GADL1: variants seen among roughly 807,000 people sequenced by gnomAD.
The protein encoded by GADL1 is GAD like acidic amino acid decarboxylase 1.
GADL1 carries 71 observed loss-of-function variants against 69.5 expected under a neutral mutation model. The ratio of observed to expected loss-of-function variants is 1.02; its 90% CI spans 0.84 to 1.25. The LOEUF is 1.25. GADL1 is among the 50% of genes most tolerant of loss of function. GADL1 has a pLI of 0.00. For synonymous variants in GADL1, 254 were observed against 214.4 expected, an observed-to-expected ratio of 1.18 and a Z score of -1.62; for missense variants, 737 against 631.8, an observed-to-expected ratio of 1.17 and a Z score of -1.79.
At chr3:30,869,094 T>C (rs1380148800) in intron 1 of GADL1, among the ~76,000 whole-genome samples, 2 of 151,604 alleles carry the variant, frequency 1.3e-5, no homozygotes, top group African/African-American at 4.9e-5. Context: ...CAGTCTCTGT[T>C]CTCAAGTTGT....
At chr3:30,728,965 A>C (rs1204223035) in intron 14 of GADL1, among the ~76,000 whole-genome samples, 2 of 152,180 alleles carry the variant, frequency 1.3e-5, no homozygotes, top group Non-Finnish European at 2.9e-5. Context: ...GCCTAAGTTT[A>C]TTAATTTATT....
At chr3:30,866,475 A>AT (rs1184922157) in intron 1 of GADL1, among the ~76,000 whole-genome samples, 3 of 152,068 alleles carry the variant, frequency 2.0e-5, no homozygotes, top group Non-Finnish European at 4.4e-5. Flanking sequence ...AATAGTAATA[A>AT]TAGTACATAA....
At chr3:30,822,171 G>GGCT (rs1262658353) in intron 11 of GADL1, among the ~76,000 whole-genome samples, 1 of 152,042 alleles carries the variant, frequency 6.6e-6, no homozygotes, top group Non-Finnish European at 1.5e-5. Context: ...AAGAATAGAT[G>GGCT]GCTGGATGAT....
At chr3:30,761,479 T>G (rs1482732123) in intron 14 of GADL1, among the ~76,000 whole-genome samples, 1 of 122,566 alleles carries the variant, frequency 8.2e-6, no homozygotes, top group East Asian at 2.3e-4. Flanking sequence ...GGGATAGATA[T>G]GTTTATTTTT....
chr3:30,780,904 A>G (rs1341457780), intron 13 of GADL1, among the ~76,000 whole-genome samples: 1 of 152,214 alleles, frequency 6.6e-6, no homozygotes, highest in Non-Finnish European at 1.5e-5. Flanking sequence ...TTGCAAAAAT[A>G]TATTTGACTT....
intron 9 of GADL1, 90 bp downstream of exon 9, chr3:30,838,907 C>T (rs1212067803): frequency 2.8e-6 from 2 of 717,424 alleles, no homozygotes; most frequent in Non-Finnish European, 4.7e-6. Flanking sequence ...TTGGGGACTC[C>T]ACATCTAGTT....
At chr3:30,735,427 T>C (rs1267757965) in intron 14 of GADL1, among the ~76,000 whole-genome samples, 2 of 152,158 alleles carry the variant, frequency 1.3e-5, no homozygotes, top group Non-Finnish European at 2.9e-5. Context: ...AACAAAACTG[T>C]GGTATACCTA....
In GADL1 at chr3:30,884,031, C is replaced by A. The variant is rs1377618599; in HGVS notation, c.37+10547G>T. ...CTAAATATCCTATTTGCTCATCCAA[C>A]TCCAAATGCTTCCACGTCTTAGTCT... On this transcript the variant is annotated intron_variant, in intron 1 of 14. Coordinates refer to ENST00000282538, the MANE Select transcript of GADL1 (RefSeq NM_207359.3). 2.6e-5 allele frequency among the ~76,000 whole-genome samples: 4 copies of A among 152,104 alleles called. No homozygotes were observed. In the East Asian group the frequency reaches 7.8e-4, roughly 30 times the overall value.
intron 14 of GADL1, among the ~76,000 whole-genome samples, chr3:30,757,850 C>T (rs1696017056): frequency 6.6e-6 from 1 of 152,076 alleles, no homozygotes; most frequent in Non-Finnish European, 1.5e-5. Flanking sequence ...CAAAGCTGCT[C>T]AGATTATCAG....
At chr3:30,750,217 A>T (rs1209211920) in intron 14 of GADL1, among the ~76,000 whole-genome samples, 1 of 152,198 alleles carries the variant, frequency 6.6e-6, no homozygotes, top group Non-Finnish European at 1.5e-5. Context: ...CAATCAGAAG[A>T]GCACATAACT....
intron 14 of GADL1, among the ~76,000 whole-genome samples, chr3:30,750,281 G>A (rs558912802): frequency 5.9e-5 from 9 of 152,308 alleles, no homozygotes; most frequent in Non-Finnish European, 1.2e-4. Flanking sequence ...TTGTTCTGGT[G>A]TGATTATTGA....
chr3:30,756,902 T>TA (rs1553635987), intron 14 of GADL1, among the ~76,000 whole-genome samples: 2 of 44,818 alleles, frequency 4.5e-5, no homozygotes, highest in East Asian at 1.6e-3. Flanking sequence ...TTGGGGGTAG[T>TA]TTATGTAGCA....
chr3:30,764,742 A>G (rs1250199461), intron 14 of GADL1, among the ~76,000 whole-genome samples: 4 of 152,224 alleles, frequency 2.6e-5, no homozygotes, highest in Non-Finnish European at 5.9e-5. Flanking sequence ...AAACTGCCAC[A>G]GTATTCTAGT....
intron 1 of GADL1, among the ~76,000 whole-genome samples, chr3:30,890,976 C>A (rs141266911): frequency 6.6e-6 from 1 of 152,170 alleles, no homozygotes. Context: ...GAGGTTAAAT[C>A]TGGTATCCAG....
intron 11 of GADL1, among the ~76,000 whole-genome samples, chr3:30,826,081 G>A (rs911309962): frequency 4.0e-5 from 6 of 151,808 alleles, no homozygotes; most frequent in East Asian, 1.9e-4. Context: ...TTTCTTTTAC[G>A]TTCATTCCAG....
Position 30,861,739 on chromosome 3 carries a change from G to T in GADL1, c.64C>A (p.Pro22Thr). 1 of 1,546,940 alleles carries T rather than the reference G, an allele frequency of 6.5e-7. No homozygotes were observed. Among genetic ancestry groups the T allele is most frequent in the Non-Finnish European group, 8.7e-7 (1 of 1,144,738 alleles). ...DGDIDQQEMIPSKKNAVLVDG... is the reference protein window; with the variant it reads ...DGDIDQQEMITSKKNAVLVDG... ...ACAAGAACAGCATTCTTCTTACTTG[G>T]AATCATCTCTTGTTGATCAATATCT... The change falls in exon 2 of 15, where the codon CCA (proline) becomes ACA (threonine). Residue 22 changes from proline (P) to threonine (T), a missense_variant. Coordinates refer to ENST00000282538, the MANE Select transcript of GADL1 (RefSeq NM_207359.3).
At chr3:30,764,083 T>C (rs548215840) in intron 14 of GADL1, among the ~76,000 whole-genome samples, 4 of 152,312 alleles carry the variant, frequency 2.6e-5, no homozygotes, top group Non-Finnish European at 2.9e-5. Context: ...TAGAAAGTTT[T>C]AACATTCATA....
At chr3:30,768,681 A>G (rs912250670) in intron 14 of GADL1, among the ~76,000 whole-genome samples, 1 of 152,108 alleles carries the variant, frequency 6.6e-6, no homozygotes, top group Non-Finnish European at 1.5e-5. Context: ...TGGAGAAGGG[A>G]TGTGACTTCC....
intron 1 of GADL1, among the ~76,000 whole-genome samples, chr3:30,865,751 C>A (rs1005936667): frequency 4.6e-5 from 7 of 152,010 alleles, no homozygotes; most frequent in Admixed American, 1.3e-4. Context: ...CCTTTCCTCT[C>A]GATTCTTGTT....
Sources: gnomAD v4.1 joint callset for allele counts (sites outside exome capture counted in the v4.1 genomes callset) on GRCh38, gnomAD v4.1.1 for gene constraint, MANE v1.5 for transcripts, NCBI Gene and HGNC (gene_info 2026-07-23, HGNC 2026-07-21) for gene names.